The following COMMD10 variants were observed in gnomAD, a reference collection of about 807,000 sequenced individuals.
COMMD10 encodes the protein COMM domain-containing protein 10.
Under a neutral mutation model 28.9 loss-of-function variants are expected in COMMD10, and 33 were observed. That is an observed-to-expected ratio of 1.14 (90% CI 0.87 to 1.53). The LOEUF is 1.53. COMMD10 is among the 40% of genes most tolerant of loss of function. COMMD10 has a pLI of 0.00. For synonymous variants in COMMD10, 110 were observed against 81.7 expected (o/e 1.35, Z -1.87); for missense variants, 310 against 233.4 (o/e 1.33, Z -2.14).
chr5:116,293,153 G>A lies in COMMD10; in HGVS notation c.*664G>A. ...TAATAATGATTCACTTTATAGTTTG[G>A]GAGACAGAATCAGGTCTTGAATAAA... On this transcript the variant is annotated 3_prime_UTR_variant, in exon 7 of 7. Coordinates refer to ENST00000274458, the MANE Select transcript of COMMD10 (RefSeq NM_016144.4). 1 of 392,726 alleles carries A rather than the reference G, an allele frequency of 2.5e-6. No individual in the cohort carries two copies. Among genetic ancestry groups the A allele is most frequent in the Non-Finnish European group, 4.5e-6 (1 of 222,412 alleles). 24.3% of individuals were successfully genotyped at this position (392,726 alleles called of 1,614,324 possible). A position where few individuals can be genotyped will look rare whatever the true frequency, so the allele number is the denominator to read the frequency against.
At chr5:116,283,449 C>A (rs746049722) in intron 5 of COMMD10, among the ~76,000 whole-genome samples, 3 of 151,370 alleles carry the variant, frequency 2.0e-5, no homozygotes, top group Non-Finnish European at 4.4e-5. Context: ...CGGGTTCAAG[C>A]GATTCTCCTG....
intron 5 of COMMD10, among the ~76,000 whole-genome samples, chr5:116,272,101 A>T (rs1456908752): frequency 1.3e-5 from 2 of 151,864 alleles, no homozygotes; most frequent in African/African-American, 2.4e-5. Context: ...TTTATTTCTC[A>T]ACATAGGCTC....
At chr5:116,214,187 T>G (rs1749041365) in intron 5 of COMMD10, among the ~76,000 whole-genome samples, 1 of 152,122 alleles carries the variant, frequency 6.6e-6, no homozygotes, top group African/African-American at 2.4e-5. Context: ...GGATGCAAAC[T>G]TCTTGGAAAG....
chr5:116,120,322 GATATA>G (rs1403961334), intron 4 of COMMD10, among the ~76,000 whole-genome samples: 4 of 152,044 alleles, frequency 2.6e-5, no homozygotes, highest in African/African-American at 9.7e-5. Flanking sequence ...GCATGAGAAT[GATATA>G]ATGGACTTTG....
At chr5:116,159,196 G>A (rs1752838126) in intron 5 of COMMD10, among the ~76,000 whole-genome samples, 1 of 152,150 alleles carries the variant, frequency 6.6e-6, no homozygotes, top group African/African-American at 2.4e-5. Flanking sequence ...CCAAAGGCCT[G>A]TAAGAACCCA....
chr5:116,144,970 T>A (rs1427190119), intron 5 of COMMD10, among the ~76,000 whole-genome samples: 1 of 151,778 alleles, frequency 6.6e-6, no homozygotes, highest in Admixed American at 6.6e-5. Context: ...AAGTGAGATG[T>A]GAGATTCAGA....
rs71223098 is a variant in COMMD10, at chr5:116,212,522, G to GTGTGTGTGTA, written c.510+78345_510+78346insGTGTGTGTAT. Among the ~76,000 whole-genome samples, 96 of 132,124 alleles carry GTGTGTGTGTA rather than the reference G, an allele frequency of 7.3e-4. 3 individuals are homozygous for GTGTGTGTGTA. The highest frequency in any genetic ancestry group is 1.6e-3 in the Admixed American group (20 of 12,360). The allele number at this position is 132,124 out of a possible 152,430, so 86.7% of individuals were successfully genotyped here. On this transcript the variant is annotated intron_variant, in intron 5 of 6. Coordinates refer to ENST00000274458, the MANE Select transcript of COMMD10 (RefSeq NM_016144.4). ...TGTGTGTGTGTGTGTGTGTGTGTGT[G>GTGTGTGTGTA]TAGAATGTGAGGGGGGTTGGATAGG... is the stretch of plus-strand genomic sequence containing the variant.
At chr5:116,191,753 C>T (rs1748376984) in intron 5 of COMMD10, among the ~76,000 whole-genome samples, 1 of 151,944 alleles carries the variant, frequency 6.6e-6, no homozygotes, top group Non-Finnish European at 1.5e-5. Flanking sequence ...GAGTTCTAAG[C>T]CCCTGCCCAT....
chr5:116,168,247 T>G (rs1029609042), intron 5 of COMMD10, among the ~76,000 whole-genome samples: 1 of 151,094 alleles, frequency 6.6e-6, no homozygotes, highest in Non-Finnish European at 1.5e-5. Context: ...AGAAGGGCAT[T>G]ACATAATGAT....
At chr5:116,090,461 A>G (rs1461089505) in intron 2 of COMMD10, among the ~76,000 whole-genome samples, 2 of 152,240 alleles carry the variant, frequency 1.3e-5, no homozygotes, top group Non-Finnish European at 2.9e-5. Context: ...TGGCCTTTGC[A>G]CTTCAAAAAT....
At chr5:116,255,139 T>A (rs968084514) in intron 5 of COMMD10, among the ~76,000 whole-genome samples, 4 of 151,800 alleles carry the variant, frequency 2.6e-5, no homozygotes, top group African/African-American at 9.7e-5. Context: ...TTTTTTGTTT[T>A]CCATTTGCTT....
chr5:116,091,202 C>T lies in COMMD10; in HGVS notation c.243+13C>T. On this transcript the variant is annotated intron_variant, in intron 3 of 6. Transcript: ENST00000274458. ...TATTTTAGAACAGGTATTTTTATTG[C>T]ATCAAATTTTCTAGCCATGATTTGT... 1 of 1,412,600 alleles carries T rather than the reference C, an allele frequency of 7.1e-7. No homozygotes were observed. Among genetic ancestry groups the T allele is most frequent in the Non-Finnish European group, 9.9e-7 (1 of 1,005,384 alleles). 87.5% of individuals were successfully genotyped at this position (1,412,600 alleles called of 1,614,324 possible).
At position 116,187,391 on chromosome 5, in the gene COMMD10, T is replaced by C. The variant is rs115123237; in HGVS notation, c.510+53213T>C. Among the ~76,000 whole-genome samples, 722 of 152,268 alleles carry C rather than the reference T, an allele frequency of 4.7e-3. 5 individuals are homozygous for C. The highest frequency in any genetic ancestry group is 0.015 in the African/African-American group (612 of 41,586). The stretch of plus-strand genomic sequence containing the variant: ...TAATTGTATATGCATTTAAATATAA[T>C]TGAATGGTATACATATGTATAGAGA... On this transcript the variant is annotated intron_variant, in intron 5 of 6. Coordinates refer to ENST00000274458, the MANE Select transcript of COMMD10 (RefSeq NM_016144.4).
chr5:116,274,320 A>G (rs976467610), intron 5 of COMMD10, among the ~76,000 whole-genome samples: 2 of 151,886 alleles, frequency 1.3e-5, no homozygotes, highest in Non-Finnish European at 2.9e-5. Flanking sequence ...TTTCTTCTGT[A>G]AAACACCAAA....
intron 5 of COMMD10, among the ~76,000 whole-genome samples, chr5:116,200,652 C>A (rs904502900): frequency 6.6e-6 from 1 of 151,618 alleles, no homozygotes; most frequent in Non-Finnish European, 1.5e-5. Context: ...TTGAAGTTTT[C>A]TGTTGAGATA....
chr5:116,200,152 C>T (rs955737831), intron 5 of COMMD10, among the ~76,000 whole-genome samples: 2 of 151,926 alleles, frequency 1.3e-5, no homozygotes, highest in African/African-American at 4.8e-5. Context: ...TTTTAAAATG[C>T]ACAATTAAAT....
At chr5:116,170,417 A>G (rs968266136) in intron 5 of COMMD10, among the ~76,000 whole-genome samples, 2 of 152,232 alleles carry the variant, frequency 1.3e-5, no homozygotes, top group Non-Finnish European at 2.9e-5. Context: ...TGCCCAAAGT[A>G]ATTTGTAGAT....
chr5:116,249,273 A>G (rs1184839704), intron 5 of COMMD10, among the ~76,000 whole-genome samples: 1 of 151,932 alleles, frequency 6.6e-6, no homozygotes, highest in Non-Finnish European at 1.5e-5. Context: ...GCCCTCAAAC[A>G]TTATTTCAGT....
intron 5 of COMMD10, among the ~76,000 whole-genome samples, chr5:116,228,269 T>A (rs1749445081): frequency 6.6e-6 from 1 of 151,906 alleles, no homozygotes; most frequent in Non-Finnish European, 1.5e-5. Context: ...AGAAATGAAA[T>A]ATAGTGCAAC....
Sources: gnomAD v4.1 joint callset for allele counts (sites outside exome capture counted in the v4.1 genomes callset) on GRCh38, gnomAD v4.1.1 for gene constraint, MANE v1.5 for transcripts, NCBI Gene and HGNC (gene_info 2026-07-23, HGNC 2026-07-21) for gene names.